ARL10: variants seen among roughly 807,000 people sequenced by gnomAD.
ARL10 encodes ADP-ribosylation factor-like protein 10.
ARL10 carries 23 observed loss-of-function variants against 26.1 expected under a neutral mutation model. The observed-to-expected ratio is 0.88, with a 90% CI of 0.63 to 1.25. The LOEUF (loss-of-function observed/expected upper bound fraction) is 1.25, where lower values mean the gene tolerates loss of function less well. Among genes scored for constraint, ARL10 ranks in the 50% most tolerant of loss-of-function variants. The pLI, the probability that ARL10 is intolerant of heterozygous loss-of-function variation, is 0.00. For synonymous variants in ARL10, 138 were observed against 149.1 expected (o/e 0.93, Z 0.54); for missense variants, 300 against 323.6 (o/e 0.93, Z 0.56).
downstream of ARL10, among the ~76,000 whole-genome samples, chr5:176,385,724 A>G (rs1755788463): frequency 6.6e-6 from 1 of 152,174 alleles, no homozygotes; most frequent in African/African-American, 2.4e-5. Flanking sequence ...CTCTTGATGT[A>G]TTATTGCAAC....
chr5:176,391,530 T>C (rs1756262662), downstream of ARL10, among the ~76,000 whole-genome samples: 1 of 152,186 alleles, frequency 6.6e-6, no homozygotes, highest in African/African-American at 2.4e-5. Flanking sequence ...AAGGATTGCC[T>C]GACCCAAGGA....
intron 1 of ARL10, among the ~76,000 whole-genome samples, chr5:176,398,412 GTT>G (rs1756656412): frequency 6.6e-6 from 1 of 152,140 alleles, no homozygotes; most frequent in Non-Finnish European, 1.5e-5. Context: ...GATGAAATGA[GTT>G]AAAAATTATA....
chr5:176,384,219 G>A, downstream of ARL10: 3 of 1,614,198 alleles, frequency 1.9e-6, no homozygotes, highest in Non-Finnish European at 2.5e-6. Context: ...GGGCAGCTGT[G>A]ATGTAAACCA....
At chr5:176,391,860 C>T (rs1387998048), downstream of ARL10, among the ~76,000 whole-genome samples, 1 of 152,234 alleles carries the variant, frequency 6.6e-6, no homozygotes, top group Non-Finnish European at 1.5e-5. Flanking sequence ...AATTTCTGTT[C>T]TAAGCCAGCT....
the ARL10 span, among the ~76,000 whole-genome samples, chr5:176,408,306 G>T: frequency 6.6e-6 from 1 of 151,862 alleles, no homozygotes. Flanking sequence ...GGCCGAGGTG[G>T]GTGGATCACT....
chr5:176,370,101 C>T (rs988697752), intron 3 of ARL10, among the ~76,000 whole-genome samples: 2 of 152,070 alleles, frequency 1.3e-5, no homozygotes, highest in African/African-American at 4.8e-5. Context: ...GGTTAAATAA[C>T]AGCTAACATT....
At chr5:176,399,133 C>A (rs564279584) in intron 1 of ARL10, among the ~76,000 whole-genome samples, 4 of 152,254 alleles carry the variant, frequency 2.6e-5, no homozygotes, top group African/African-American at 9.6e-5. Context: ...CTTGAGCCAC[C>A]GTGACCAGCC....
chr5:176,392,474 A>T (rs1756293974), downstream of ARL10: 2 of 317,918 alleles, frequency 6.3e-6, no homozygotes, highest in African/African-American at 4.2e-5. This position sits in a 1 kb window ranked among gnomAD's most constrained non-coding sequence, Gnocchi z 5.2. Context: ...GAGAAGTGAG[A>T]ATGATAATAA....
At chr5:176,390,936 T>C (rs1171455089), downstream of ARL10, among the ~76,000 whole-genome samples, 5 of 152,208 alleles carry the variant, frequency 3.3e-5, no homozygotes, top group Non-Finnish European at 7.3e-5. Flanking sequence ...TCCTCCTTCA[T>C]GTAGTTTCAA....
the ARL10 span, chr5:176,410,366 C>T: frequency 1.4e-6 from 2 of 1,443,040 alleles, no homozygotes; most frequent in Non-Finnish European, 1.9e-6. Flanking sequence ...AGGAAATGGT[C>T]CTACATTAGC....
downstream of ARL10, among the ~76,000 whole-genome samples, chr5:176,382,893 G>T (rs76149268): frequency 6.6e-6 from 1 of 152,210 alleles, no homozygotes; most frequent in African/African-American, 2.4e-5. Context: ...TTGGAATCCT[G>T]TGGAGGACAT....
rs1375673450 is a variant in ARL10, at chr5:176,377,870, C to G, written c.*5975C>G. ...CTCCACCTCCAGAGATCAAGCAGTC[C>G]TCCCACCTCAGTCTCCTGAGTAGCT... is the stretch of plus-strand genomic sequence containing the variant. On this transcript the variant is annotated 3_prime_UTR_variant, in exon 4 of 4. Coordinates refer to ENST00000310389, the MANE Select transcript of ARL10 (RefSeq NM_173664.6). The surrounding 1 kb of genome is among the most constrained non-coding windows in gnomAD (Gnocchi z 4.5). The G allele has an allele frequency of 6.6e-6, 1 of 152,214 alleles. No individual in the cohort carries two copies. The highest frequency in any genetic ancestry group is 1.9e-4 in the East Asian group (1 of 5,194). 9.4% of individuals were successfully genotyped at this position (152,214 alleles called of 1,614,324 possible).
downstream of ARL10, chr5:176,406,499 T>C (rs1217993333): frequency 1.6e-5 from 20 of 1,221,946 alleles, no homozygotes; most frequent in Non-Finnish European, 2.0e-5. Context: ...GCTGAGCTGC[T>C]GATTCCTCTA....
chr5:176,390,197 A>G (rs1226533002), downstream of ARL10, among the ~76,000 whole-genome samples: 1 of 151,484 alleles, frequency 6.6e-6, no homozygotes, highest in East Asian at 1.9e-4. Flanking sequence ...AAAAAAAAAA[A>G]AAAAAAGAAT....
Position 176,368,921 on chromosome 5 carries a change from A to G in ARL10, c.500A>G (p.Glu167Gly). Residue 167 changes from glutamate (E) to glycine (G), a missense_variant, in exon 3 of 4, where the codon GAG becomes GGG. Glu to Gly is a moderately conservative substitution (Grantham distance 98). Coordinates refer to ENST00000310389, the MANE Select transcript of ARL10 (RefSeq NM_173664.6). The surrounding 1 kb of genome is among the most constrained non-coding windows in gnomAD (Gnocchi z 4.1). ...DRLRLPWARQELHKLLDKDPD... is the reference protein window; with the variant it reads ...DRLRLPWARQGLHKLLDKDPD... ...CTGCGGCTGCCCTGGGCCCGACAGG[A>G]GCTGCACAAGCTGCTGGACAAGGAC... is the stretch of plus-strand genomic sequence containing the variant. The G allele has an allele frequency of 6.2e-7, 1 of 1,613,958 alleles. No homozygotes were observed. The highest frequency in any genetic ancestry group is 8.5e-7 in the Non-Finnish European group (1 of 1,180,002).
At chr5:176,392,901 G>A, downstream of ARL10, 3 of 1,614,188 alleles carry the variant, frequency 1.9e-6, no homozygotes, top group Non-Finnish European at 2.5e-6. This position sits in a 1 kb window ranked among gnomAD's most constrained non-coding sequence, Gnocchi z 5.2. Flanking sequence ...CTCTGTGCCT[G>A]GGGTCTCCTC....
downstream of ARL10, among the ~76,000 whole-genome samples, chr5:176,385,706 C>T (rs1755786259): frequency 6.6e-6 from 1 of 152,200 alleles, no homozygotes; most frequent in Non-Finnish European, 1.5e-5. Context: ...ATAAGCCTCT[C>T]AGAGAAGCTC....
In ARL10 at chr5:176,380,321, T is replaced by C. The variant is rs911442752; in HGVS notation, c.*8426T>C. 2.6e-5 allele frequency: 4 copies of C among 152,334 alleles called. No homozygotes were observed. Among genetic ancestry groups the C allele is most frequent in the Admixed American group, 2.0e-4 (3 of 15,302 alleles). The allele number at this position is 152,334 out of a possible 1,614,324, so 9.4% of individuals were successfully genotyped here. A position where few individuals can be genotyped will look rare whatever the true frequency, so the allele number is the denominator to read the frequency against. On this transcript the variant is annotated 3_prime_UTR_variant, in exon 4 of 4. Coordinates refer to ENST00000310389, the MANE Select transcript of ARL10 (RefSeq NM_173664.6). ...GATTTAAAATGCATCCCGTTGTTTT[T>C]GTGGCGTTTTCGATCCTTTCTTTTC...
Position 176,378,791 on chromosome 5 carries a change from G to A in ARL10, c.*6896G>A, listed in dbSNP as rs1340803112. The stretch of plus-strand genomic sequence containing the variant: ...ACCTGTAGTCCCAGCTACTTGGGAG[G>A]CTGAGGCAGGAGAATGGCGTGAACC... On this transcript the variant is annotated 3_prime_UTR_variant, in exon 4 of 4. Coordinates refer to ENST00000310389, the MANE Select transcript of ARL10 (RefSeq NM_173664.6). 6.6e-6 allele frequency: 1 copy of A among 152,060 alleles called. No homozygotes were observed. The allele number at this position is 152,060 out of a possible 1,614,324, so 9.4% of individuals were successfully genotyped here. A position where few individuals can be genotyped will look rare whatever the true frequency, so the allele number is the denominator to read the frequency against.
Sources: gnomAD v4.1 joint callset for allele counts (sites outside exome capture counted in the v4.1 genomes callset) on GRCh38, gnomAD v4.1.1 for gene constraint, Gnocchi (gnomAD v3.1) non-coding constraint, MANE v1.5 for transcripts, NCBI Gene and HGNC (gene_info 2026-07-23, HGNC 2026-07-21) for gene names.